CNTN5: variants seen among roughly 807,000 people sequenced by gnomAD.
CNTN5 encodes contactin-5.
Under a neutral mutation model 129.1 loss-of-function variants are expected in CNTN5, and 77 were observed. The observed-to-expected ratio is 0.60, with a 90% confidence interval of 0.50 to 0.72. CNTN5 has a LOEUF of 0.72. CNTN5 is among the 30% of genes least tolerant of loss of function. The pLI is 0.00. For missense variants in CNTN5, 1,478 were observed against 1,328.8 expected, an observed-to-expected ratio of 1.11 and a Z score of -1.75; for synonymous variants, 509 against 465.6, an observed-to-expected ratio of 1.09 and a Z score of -1.20.
At chr11:99,068,715 C>T (rs931806207) in intron 1 of CNTN5, among the ~76,000 whole-genome samples, 3 of 151,964 alleles carry the variant, frequency 2.0e-5, no homozygotes, top group Admixed American at 6.6e-5. Flanking sequence ...TGTAGTAAAT[C>T]GTTAAGTATG....
intron 2 of CNTN5, among the ~76,000 whole-genome samples, chr11:99,332,432 C>A (rs1457965313): frequency 2.0e-5 from 3 of 151,888 alleles, no homozygotes; most frequent in African/African-American, 7.3e-5. Context: ...CAATCTGTGC[C>A]CCGATAATGT....
chr11:100,195,311 TACAATACCAA>T (rs1401539253), intron 15 of CNTN5, among the ~76,000 whole-genome samples: 1 of 152,056 alleles, frequency 6.6e-6, no homozygotes, highest in Non-Finnish European at 1.5e-5. Context: ...CTCTTTATTT[TACAATACCAA>T]TATAAAAATG....
At chr11:99,054,487 C>T (rs958197418) in intron 1 of CNTN5, among the ~76,000 whole-genome samples, 3 of 151,802 alleles carry the variant, frequency 2.0e-5, no homozygotes, top group Non-Finnish European at 2.9e-5. Context: ...TTGTAGGAAA[C>T]GAAGAACATA....
At chr11:99,241,068 T>G (rs1371147972) in intron 1 of CNTN5, among the ~76,000 whole-genome samples, 6 of 152,152 alleles carry the variant, frequency 3.9e-5, no homozygotes, top group Non-Finnish European at 8.8e-5. Flanking sequence ...TAGAAGGTAT[T>G]TTTATTTTGT....
chr11:100,143,890 G>T (rs1264886411), intron 13 of CNTN5, among the ~76,000 whole-genome samples: 4 of 152,084 alleles, frequency 2.6e-5, no homozygotes, highest in Non-Finnish European at 5.9e-5. Context: ...CTCAAGGCAT[G>T]ATCTCAACTT....
chr11:100,226,472 G>A (rs1212124726), intron 16 of CNTN5, among the ~76,000 whole-genome samples: 1 of 152,094 alleles, frequency 6.6e-6, no homozygotes, highest in Non-Finnish European at 1.5e-5. Flanking sequence ...ATATAATTCA[G>A]GTTCAGCTTT....
intron 3 of CNTN5, among the ~76,000 whole-genome samples, chr11:99,583,328 A>G (rs1306520401): frequency 6.6e-6 from 1 of 152,170 alleles, no homozygotes; most frequent in Non-Finnish European, 1.5e-5. Flanking sequence ...GTGTGCTGGG[A>G]GTACCACTAC....
intron 2 of CNTN5, among the ~76,000 whole-genome samples, chr11:99,459,858 G>A (rs866099344): frequency 1.3e-5 from 2 of 151,866 alleles, no homozygotes; most frequent in African/African-American, 4.8e-5. Flanking sequence ...AAGTGAGAAG[G>A]GCAATTAAAG....
chr11:100,008,716 C>T (rs912463461), intron 9 of CNTN5, among the ~76,000 whole-genome samples: 3 of 152,112 alleles, frequency 2.0e-5, no homozygotes, highest in East Asian at 1.9e-4. Flanking sequence ...ATTCACTATT[C>T]GCCTTTTTGG....
Position 100,004,140 on chromosome 11 carries a change from G to C in CNTN5, c.980+2004G>C, listed in dbSNP as rs552124814. Among the ~76,000 whole-genome samples, 5 of 152,250 alleles carry C rather than the reference G, an allele frequency of 3.3e-5. No individual in the cohort carries two copies. The South Asian group carries it at 6.2e-4, about 19-fold the overall frequency. The stretch of plus-strand genomic sequence containing the variant: ...CTGCTTCTTACTTCAGCAAGCACAT[G>C]GTGCTCTTGTGGGCCTTTGTCTGTT... On this transcript the variant is annotated intron_variant, in intron 9 of 24. Coordinates refer to ENST00000524871, the MANE Select transcript of CNTN5 (RefSeq NM_014361.4).
chr11:99,798,358 T>C (rs1591202991), intron 3 of CNTN5, among the ~76,000 whole-genome samples: 1 of 152,330 alleles, frequency 6.6e-6, no homozygotes, highest in African/African-American at 2.4e-5. Flanking sequence ...TCAAGTCTAC[T>C]GTCCAGAACA....
chr11:99,930,091 T>G (rs1402624551), intron 7 of CNTN5, among the ~76,000 whole-genome samples: 1 of 152,098 alleles, frequency 6.6e-6, no homozygotes, highest in Non-Finnish European at 1.5e-5. Flanking sequence ...AATCGCAGTA[T>G]GTAGAGTGAC....
intron 13 of CNTN5, among the ~76,000 whole-genome samples, chr11:100,081,951 T>C (rs1180274044): frequency 1.3e-5 from 2 of 152,040 alleles, no homozygotes; most frequent in East Asian, 3.9e-4. Flanking sequence ...AAACTGAAAA[T>C]ATTGCCAATT....
intron 1 of CNTN5, among the ~76,000 whole-genome samples, chr11:99,106,474 G>A (rs1867001523): frequency 6.6e-6 from 1 of 151,848 alleles, no homozygotes; most frequent in Non-Finnish European, 1.5e-5. Context: ...TACAATTTTG[G>A]AGAATATTAA....
intron 1 of CNTN5, among the ~76,000 whole-genome samples, chr11:99,263,338 G>GA (rs1862733672): frequency 6.6e-6 from 1 of 152,072 alleles, no homozygotes; most frequent in Non-Finnish European, 1.5e-5. Context: ...GATTGTGCAT[G>GA]TCAATTGAGC....
intron 1 of CNTN5, among the ~76,000 whole-genome samples, chr11:99,323,772 T>C (rs1176578594): frequency 6.6e-6 from 1 of 152,158 alleles, no homozygotes; most frequent in African/African-American, 2.4e-5. Flanking sequence ...TTTGTAAACC[T>C]CAACAAAATT....
intron 2 of CNTN5, among the ~76,000 whole-genome samples, chr11:99,338,932 A>ATATATATG (rs758671790): frequency 0.14 from 19,392 of 142,864 alleles, 1,565 homozygotes; most frequent in South Asian, 0.23. Flanking sequence ...ATATATATAT[A>ATATATATG]TATATATATA....
intron 13 of CNTN5, among the ~76,000 whole-genome samples, chr11:100,088,916 T>G (rs970053073): frequency 2.0e-5 from 3 of 151,850 alleles, no homozygotes; most frequent in Non-Finnish European, 2.9e-5. Context: ...TATCAAAACC[T>G]GGCAAAGATA....
intron 15 of CNTN5, among the ~76,000 whole-genome samples, chr11:100,220,056 T>C (rs1156911939): frequency 6.6e-6 from 1 of 152,058 alleles, no homozygotes. Flanking sequence ...GGTGGGTGGA[T>C]CATGAGGTCG....
Sources: allele counts gnomAD v4.1 joint callset (sites outside exome capture counted in the v4.1 genomes callset), GRCh38; gene constraint gnomAD v4.1.1; transcripts MANE v1.5; gene names NCBI Gene and HGNC (gene_info 2026-07-23, HGNC 2026-07-21).